The following LIMCH1 variants were observed in gnomAD, a reference collection of about 807,000 sequenced individuals.
The protein encoded by LIMCH1 is LIM and calponin homology domains-containing protein 1.
Under a neutral mutation model 176.5 loss-of-function variants are expected in LIMCH1, and 113 were observed. The ratio of observed to expected loss-of-function variants is 0.64; its 90% CI spans 0.55 to 0.75. The LOEUF is 0.75. Among genes scored for constraint, LIMCH1 ranks in the 30% least tolerant of loss-of-function variants. LIMCH1 has a pLI of 0.00. For synonymous variants in LIMCH1, 619 were observed against 645.9 expected (o/e 0.96, Z 0.63); for missense variants, 1,674 against 1,814.9 (o/e 0.92, Z 1.41).
intron 1 of LIMCH1, 125 bp downstream of exon 1, chr4:41,538,475 C>T (rs759827881): frequency 6.3e-5 from 23 of 363,478 alleles, no homozygotes; most frequent in East Asian, 3.3e-4. Flanking sequence ...ATTAGTATGG[C>T]GAAAATAATA....
intron 2 of LIMCH1, among the ~76,000 whole-genome samples, chr4:41,513,961 G>A (rs991603044): frequency 6.7e-5 from 9 of 134,140 alleles, no homozygotes; most frequent in East Asian, 2.4e-4. Flanking sequence ...AGCGGAGATC[G>A]TGCCACTGTA....
At chr4:41,512,604 C>T (rs540340772) in intron 2 of LIMCH1, among the ~76,000 whole-genome samples, 1 of 152,234 alleles carries the variant, frequency 6.6e-6, no homozygotes, top group East Asian at 1.9e-4. Flanking sequence ...CATGCTACAA[C>T]ATGGATGAAC....
chr4:41,666,080 A>G (rs530350938), intron 20 of LIMCH1, among the ~76,000 whole-genome samples: 44 of 152,308 alleles, frequency 2.9e-4, no homozygotes, highest in Non-Finnish European at 5.0e-4. Flanking sequence ...CTTTGCATAA[A>G]TTTGTGGGGG....
At chr4:41,653,392 A>T (rs539627189) in intron 18 of LIMCH1, among the ~76,000 whole-genome samples, 1 of 151,870 alleles carries the variant, frequency 6.6e-6, no homozygotes, top group South Asian at 2.1e-4. Flanking sequence ...ACCAGCTTAG[A>T]ACAGGAGGCT....
chr4:41,653,733 G>A (rs907282961), intron 18 of LIMCH1, among the ~76,000 whole-genome samples: 12 of 152,376 alleles, frequency 7.9e-5, no homozygotes, highest in Admixed American at 2.6e-4. Flanking sequence ...CGTGTGGAGC[G>A]TCAGCATCTG....
intron 27 of LIMCH1, 136 bp downstream of exon 27, chr4:41,684,654 T>C (rs1719123051): frequency 1.1e-6 from 1 of 894,704 alleles, no homozygotes; most frequent in Non-Finnish European, 1.6e-6. Flanking sequence ...GCCCAATATA[T>C]AGTGAATAAA....
intron 4 of LIMCH1, chr4:41,612,750 C>T (rs983316786): frequency 1.6e-5 from 11 of 692,138 alleles, no homozygotes; most frequent in Non-Finnish European, 2.7e-5. Context: ...GCCACAAGTG[C>T]TTTCAGCTCC....
At chr4:41,624,036 A>G (rs1301523651) in intron 7 of LIMCH1, among the ~76,000 whole-genome samples, 1 of 152,192 alleles carries the variant, frequency 6.6e-6, no homozygotes, top group East Asian at 1.9e-4. Context: ...TCTGCCAAAG[A>G]AGCCAAGATT....
rs553603736 is a variant in LIMCH1 at position 41,474,559 on chromosome 4, A to G, written c.97-19977A>G. On this transcript the variant is annotated intron_variant, in intron 1 of 26. Coordinates refer to the LIMCH1 transcript ENST00000313860. ...AAAAGAAGACACACAAATGGCCAAC[A>G]GATATATGAAAATATGCTCAACACC... Among the ~76,000 whole-genome samples, 9 of 152,342 alleles carry G rather than the reference A, an allele frequency of 5.9e-5. No homozygotes were observed. In the South Asian group the frequency reaches 6.2e-4, roughly 11 times the overall value.
intron 13 of LIMCH1, among the ~76,000 whole-genome samples, chr4:41,637,284 G>A (rs976552329): frequency 3.9e-5 from 6 of 152,134 alleles, no homozygotes. Flanking sequence ...TGCCTCCCCA[G>A]TTCAAGTGAT....
intron 18 of LIMCH1, among the ~76,000 whole-genome samples, chr4:41,658,175 A>G (rs1227755328): frequency 1.3e-5 from 2 of 152,150 alleles, no homozygotes; most frequent in Admixed American, 1.3e-4. Context: ...CTTCACTTGT[A>G]TGAAGGGAAT....
At chr4:41,514,909 C>T (rs1055360950) in intron 2 of LIMCH1, among the ~76,000 whole-genome samples, 10 of 152,166 alleles carry the variant, frequency 6.6e-5, no homozygotes, top group African/African-American at 1.7e-4. Flanking sequence ...AGAAGCAGTT[C>T]GCTTCACAAA....
intron 1 of LIMCH1, among the ~76,000 whole-genome samples, chr4:41,427,356 C>T (rs1332816387): frequency 6.6e-6 from 1 of 152,176 alleles, no homozygotes; most frequent in African/African-American, 2.4e-5. Flanking sequence ...GTAAAGCTTC[C>T]TTTGCCAAGC....
In LIMCH1 at chr4:41,466,248, C is replaced by T. The variant is rs568488071; in HGVS notation, c.97-28288C>T. 1.7e-4 allele frequency among the ~76,000 whole-genome samples: 26 copies of T among 152,306 alleles called. No homozygotes were observed. In the South Asian group the frequency reaches 4.8e-3, roughly 28 times the overall value. ...CTGGGATTACAGGCGTGAGCCACTG[C>T]GCCCATCCAGTCTGGCTCTTCTTAG... On this transcript the variant is annotated intron_variant, in intron 1 of 26. Transcript: ENST00000313860.
intron 1 of LIMCH1, among the ~76,000 whole-genome samples, chr4:41,586,453 G>A (rs1320483990): frequency 6.6e-6 from 1 of 152,024 alleles, no homozygotes; most frequent in Non-Finnish European, 1.5e-5. Flanking sequence ...TCATGGACCA[G>A]TACCAAACCC....
At chr4:41,694,772 C>T (rs1729156101) in intron 31 of LIMCH1, among the ~76,000 whole-genome samples, 1 of 152,124 alleles carries the variant, frequency 6.6e-6, no homozygotes, top group Non-Finnish European at 1.5e-5. Context: ...AGCAGTAGCA[C>T]AGGTGACGTA....
chr4:41,671,642 A>C, intron 22 of LIMCH1, 48 bp downstream of exon 22: 1 of 1,361,388 alleles, frequency 7.3e-7, no homozygotes, highest in Non-Finnish European at 1.1e-6. Context: ...GTGTGATTTT[A>C]ATTTATAACA....
chr4:41,647,114 A>G (rs1389092647), intron 17 of LIMCH1, among the ~76,000 whole-genome samples: 2 of 152,224 alleles, frequency 1.3e-5, no homozygotes, highest in African/African-American at 4.8e-5. Flanking sequence ...ATGGACTCCT[A>G]TAAGACTGAT....
intron 1 of LIMCH1, among the ~76,000 whole-genome samples, chr4:41,380,310 T>G (rs1023528727): frequency 6.6e-6 from 1 of 152,166 alleles, no homozygotes; most frequent in African/African-American, 2.4e-5. Flanking sequence ...TCTTCTTTTC[T>G]TTTCTTTCTT....
Sources: allele counts gnomAD v4.1 joint callset (sites outside exome capture counted in the v4.1 genomes callset), GRCh38; gene constraint gnomAD v4.1.1; transcripts MANE v1.5; gene names NCBI Gene and HGNC (gene_info 2026-07-23, HGNC 2026-07-21).